Variants in RFTN1 observed in about 807,000 individuals in gnomAD.
RFTN1 encodes the protein raftlin, lipid raft linker 1.
A neutral mutation model predicts 46.5 loss-of-function variants in RFTN1; 26 were observed. The observed-to-expected ratio is 0.56, with a 90% confidence interval of 0.41 to 0.78. The LOEUF (loss-of-function observed/expected upper bound fraction) is 0.78. RFTN1 is among the 30% of genes least tolerant of loss of function. The pLI, the probability that RFTN1 is intolerant of heterozygous loss-of-function variation, is 0.00. For missense variants in RFTN1, 693 were observed against 718.7 expected (o/e 0.96, Z 0.41); for synonymous variants, 261 against 284.2 (o/e 0.92, Z 0.82).
chr3:16,323,529 C>A, intron 8 of RFTN1, 72 bp from the exon 9 acceptor site: 1 of 1,093,310 alleles, frequency 9.1e-7, no homozygotes, highest in South Asian at 1.3e-5. Context: ...CAGATGTTGC[C>A]ATCCCTAATT....
At chr3:16,319,131 C>T (rs746695912) in intron 9 of RFTN1, among the ~76,000 whole-genome samples, 3 of 152,158 alleles carry the variant, frequency 2.0e-5, no homozygotes, top group Non-Finnish European at 2.9e-5. Context: ...GTAAGAGTCT[C>T]TCCTTTTTTT....
chr3:16,328,676 G>A lies in RFTN1; in HGVS notation c.1147-1800C>T, dbSNP rs112840546. On this transcript the variant is annotated intron_variant, in intron 7 of 9. Coordinates refer to ENST00000334133, the MANE Select transcript of RFTN1 (RefSeq NM_015150.2). ...CTTGTTAGAAGCCCAGATTCTCAGGGCCCCATCCCAGACCTGATGAATCAG... is the reference window on the plus strand; with the variant it reads ...CTTGTTAGAAGCCCAGATTCTCAGGACCCCATCCCAGACCTGATGAATCAG... Among the ~76,000 whole-genome samples, 1,136 of 152,294 alleles carry A rather than the reference G, an allele frequency of 7.5e-3. 11 individuals are homozygous for A. The highest frequency in any genetic ancestry group is 0.026 in the African/African-American group (1,068 of 41,550).
rs1330792321 is a variant in RFTN1 at position 16,428,533 on chromosome 3, C to T, written c.332+5318G>A. On this transcript the variant is annotated intron_variant, in intron 3 of 9. Transcript: ENST00000334133. This position sits in a 1 kb window ranked among gnomAD's most constrained non-coding sequence, Gnocchi z 4.7. ...GCAGCCTCTGCATTAACTACAGGTCCTCTGTGTGCCCCCACCCTAATCCTA... is the reference window on the plus strand; with the variant it reads ...GCAGCCTCTGCATTAACTACAGGTCTTCTGTGTGCCCCCACCCTAATCCTA... Among the ~76,000 whole-genome samples the T allele has an allele frequency of 1.3e-5, 2 of 152,182 alleles. No homozygotes were observed. Among genetic ancestry groups the T allele is most frequent in the African/African-American group, 4.8e-5 (2 of 41,440 alleles).
At chr3:16,434,561 G>GAAATA (rs1437670201) in intron 2 of RFTN1, 1 of 152,060 alleles carries the variant, frequency 6.6e-6, no homozygotes, top group Non-Finnish European at 1.5e-5. Flanking sequence ...TCTCAAAAAT[G>GAAATA]AAATAAAATA....
chr3:16,435,584 A>C (rs933060649), intron 2 of RFTN1, among the ~76,000 whole-genome samples: 17 of 152,206 alleles, frequency 1.1e-4, no homozygotes, highest in African/African-American at 4.1e-4. Flanking sequence ...AAGCAAAAAA[A>C]CAAAACAAAA....
chr3:16,482,871 G>A, intron 2 of RFTN1: 1 of 1,526,012 alleles, frequency 6.6e-7, no homozygotes, highest in African/African-American at 1.4e-5. Context: ...ACGAGGAGGA[G>A]CCTCCCACCG....
At chr3:16,503,487 AC>A (rs1462560702) in intron 1 of RFTN1, among the ~76,000 whole-genome samples, 1 of 151,872 alleles carries the variant, frequency 6.6e-6, no homozygotes, top group South Asian at 2.1e-4. Context: ...TATTTTTAAA[AC>A]CCCCAAGTGA....
At position 16,335,328 on chromosome 3, in the gene RFTN1, T is replaced by C. The variant is rs1027370165; in HGVS notation, c.1147-8452A>G. Among the ~76,000 whole-genome samples the C allele has an allele frequency of 6.6e-6, 1 of 152,108 alleles. No homozygotes were observed. Among genetic ancestry groups the C allele is most frequent in the South Asian group, 2.1e-4 (1 of 4,814 alleles). The stretch of plus-strand genomic sequence containing the variant: ...GAGCAGAAGATGAACGAAAATGGGC[T>C]GAGTGGGAAGGAATCAGCCCTTGGA... On this transcript the variant is annotated intron_variant, in intron 7 of 9. Transcript: ENST00000334133. This position sits in a 1 kb window ranked among gnomAD's most constrained non-coding sequence, Gnocchi z 4.7.
chr3:16,438,479 G>A (rs965081207), intron 2 of RFTN1, among the ~76,000 whole-genome samples: 1 of 149,748 alleles, frequency 6.7e-6, no homozygotes, highest in Non-Finnish European at 1.5e-5. Flanking sequence ...CAGCTACTCA[G>A]GGGGCTGAGG....
intron 2 of RFTN1, among the ~76,000 whole-genome samples, chr3:16,435,242 C>T (rs370966995): frequency 6.6e-6 from 1 of 152,164 alleles, no homozygotes; most frequent in Non-Finnish European, 1.5e-5. Flanking sequence ...CATTACACAC[C>T]TAGCTTTTTA....
At position 16,480,675 on chromosome 3, in the gene RFTN1, G is replaced by T. The variant is rs559414888; in HGVS notation, c.145+13050C>A. 6.6e-6 allele frequency among the ~76,000 whole-genome samples: 1 copy of T among 152,166 alleles called. No homozygotes were observed. The highest frequency in any genetic ancestry group is 1.9e-4 in the East Asian group (1 of 5,174). On this transcript the variant is annotated intron_variant, in intron 2 of 9. Coordinates refer to ENST00000334133, the MANE Select transcript of RFTN1 (RefSeq NM_015150.2). The surrounding 1 kb of genome is among the most constrained non-coding windows in gnomAD (Gnocchi z 4.3). ...CAGGACTCCTGTCTTCTGAAGCATT[G>T]GTGAAATATGGTCAAACTATAAAAT... is the stretch of plus-strand genomic sequence containing the variant.
chr3:16,377,710 ATACT>A lies in RFTN1; in HGVS notation c.826+4_826+7del, dbSNP rs1575176023. ...GTGGGTCAAAACTCCCATTGCTGAC[ATACT>A]TACTCCCTGAGAGTGGCTCTTCATG... On this transcript the variant is annotated splice_donor_5th_base_variant and intron_variant, in intron 5 of 9. Coordinates refer to ENST00000334133, the MANE Select transcript of RFTN1 (RefSeq NM_015150.2). 1.9e-6 allele frequency: 3 copies of A among 1,573,228 alleles called. No individual in the cohort carries two copies. The highest frequency in any genetic ancestry group is 1.2e-5 in the South Asian group (1 of 86,406).
rs2073791242 is a variant in RFTN1, at chr3:16,376,809, A to C, written c.826+909T>G. On this transcript the variant is annotated intron_variant, in intron 5 of 9. Transcript: ENST00000334133. The surrounding 1 kb of genome is among the most constrained non-coding windows in gnomAD (Gnocchi z 4.7). ...TCTCAAGAAGTTCTGATGTAACAAA[A>C]GAAACTGTTTCTCCTTGTTTTCCCT... Among the ~76,000 whole-genome samples, 1 of 152,216 alleles carries C rather than the reference A, an allele frequency of 6.6e-6. No individual in the cohort carries two copies. Among genetic ancestry groups the C allele is most frequent in the Admixed American group, 6.5e-5 (1 of 15,284 alleles).
chr3:16,476,341 C>G (rs539384589), intron 2 of RFTN1, among the ~76,000 whole-genome samples: 65 of 152,324 alleles, frequency 4.3e-4, no homozygotes, highest in African/African-American at 1.5e-3. Flanking sequence ...ATCCTCAGCA[C>G]TGAGGCCCTA....
Position 16,317,300 on chromosome 3 carries a change from G to A in RFTN1, c.1333-68C>T. The A allele has an allele frequency of 3.9e-6, 6 of 1,525,520 alleles. No homozygotes were observed. Among genetic ancestry groups the A allele is most frequent in the South Asian group, 2.3e-5 (2 of 86,728 alleles). 94.5% of individuals were successfully genotyped at this position (1,525,520 alleles called of 1,614,324 possible). ...AACCCAGAGCTTCACCCAAAGCCTTGTTTGCATTCATACCCACACCATGTC... is the reference window on the plus strand; with the variant it reads ...AACCCAGAGCTTCACCCAAAGCCTTATTTGCATTCATACCCACACCATGTC... On this transcript the variant is annotated intron_variant, in intron 9 of 9. Coordinates refer to ENST00000334133, the MANE Select transcript of RFTN1 (RefSeq NM_015150.2). The surrounding 1 kb of genome is among the most constrained non-coding windows in gnomAD (Gnocchi z 4.3).
chr3:16,439,863 C>T (rs894221816), intron 2 of RFTN1, among the ~76,000 whole-genome samples: 18 of 152,062 alleles, frequency 1.2e-4, no homozygotes, highest in African/African-American at 2.7e-4. Flanking sequence ...GCCTGCCCAG[C>T]GGTGGGAGAG....
chr3:16,406,774 G>A (rs1274527805), intron 4 of RFTN1, among the ~76,000 whole-genome samples: 1 of 152,146 alleles, frequency 6.6e-6, no homozygotes, highest in African/African-American at 2.4e-5. Flanking sequence ...ATGAAATTGA[G>A]GACCTGCTGT....
rs1035386170 is a variant in RFTN1, at chr3:16,447,600, C to A, written c.146-13563G>T. On this transcript the variant is annotated intron_variant, in intron 2 of 9. Transcript: ENST00000334133. This position sits in a 1 kb window ranked among gnomAD's most constrained non-coding sequence, Gnocchi z 5.9. ...TGGGGGCACATGCACATGTCCCTCCCAGCTGCCTTCTCAGGCATTCCAGTG... is the reference window on the plus strand; with the variant it reads ...TGGGGGCACATGCACATGTCCCTCCAAGCTGCCTTCTCAGGCATTCCAGTG... Among the ~76,000 whole-genome samples the A allele has an allele frequency of 6.6e-6, 1 of 152,162 alleles. No homozygotes were observed. The highest frequency in any genetic ancestry group is 2.4e-5 in the African/African-American group (1 of 41,436).
rs767056296 is a variant in RFTN1 at position 16,317,748 on chromosome 3, G to A, written c.1333-516C>T. Among the ~76,000 whole-genome samples the A allele has an allele frequency of 6.8e-6, 1 of 146,308 alleles. No homozygotes were observed. The highest frequency in any genetic ancestry group is 1.5e-5 in the Non-Finnish European group (1 of 67,538). ...ACCGCTCAGATCCCCCCACAGGACTGGCGGGCCCGCTCCCCAGCTAGGCCG... is the reference window on the plus strand; with the variant it reads ...ACCGCTCAGATCCCCCCACAGGACTAGCGGGCCCGCTCCCCAGCTAGGCCG... On this transcript the variant is annotated intron_variant, in intron 9 of 9. Transcript: ENST00000334133. This position sits in a 1 kb window ranked among gnomAD's most constrained non-coding sequence, Gnocchi z 4.3.
Sources: gnomAD v4.1 joint callset for allele counts (sites outside exome capture counted in the v4.1 genomes callset) on GRCh38, gnomAD v4.1.1 for gene constraint, Gnocchi (gnomAD v3.1) non-coding constraint, MANE v1.5 for transcripts, NCBI Gene and HGNC (gene_info 2026-07-23, HGNC 2026-07-21) for gene names.